TMED5: variants seen among roughly 807,000 people sequenced by gnomAD.
The protein encoded by TMED5 is transmembrane p24 trafficking protein 5.
Under a neutral mutation model 23.0 loss-of-function variants are expected in TMED5, and 27 were observed. That is an observed-to-expected ratio of 1.17 (90% CI 0.86 to 1.62). The LOEUF (loss-of-function observed/expected upper bound fraction) is 1.62. Among genes scored for constraint, TMED5 ranks in the 40% most tolerant of loss-of-function variants. The pLI, the probability that TMED5 is intolerant of heterozygous loss-of-function variation, is 0.00. For missense variants in TMED5, 248 were observed against 273.7 expected (o/e 0.91, Z 0.66); for synonymous variants, 97 against 100.8 (o/e 0.96, Z 0.23).
chr1:93,154,962 G>T, intron 3 of TMED5, 74 bp from the exon 4 acceptor site: 1 of 1,094,744 alleles, frequency 9.1e-7, no homozygotes, highest in Non-Finnish European at 1.3e-6. Context: ...ATGAGGCTGG[G>T]TGCAGTGACT....
intron 3 of TMED5, 153 bp downstream of exon 3, chr1:93,156,147 G>T: frequency 8.9e-7 from 1 of 1,117,992 alleles, no homozygotes; most frequent in South Asian, 1.6e-5. Flanking sequence ...AAATTAAGCT[G>T]ATACTTGAGG....
At chr1:93,166,152 T>C (rs1259356614) in intron 1 of TMED5, among the ~76,000 whole-genome samples, 1 of 152,266 alleles carries the variant, frequency 6.6e-6, no homozygotes, top group Non-Finnish European at 1.5e-5. Flanking sequence ...ATTTTCTTTA[T>C]CCATTCATCT....
In TMED5 at chr1:93,152,629, A is replaced by T. The variant is rs1234300393; in HGVS notation, c.*2041T>A. 1 of 152,648 alleles carries T rather than the reference A, an allele frequency of 6.6e-6. No individual in the cohort carries two copies. Among genetic ancestry groups the T allele is most frequent in the African/African-American group, 2.4e-5 (1 of 41,446 alleles). 9.5% of individuals were successfully genotyped at this position (152,648 alleles called of 1,614,324 possible). A position where few individuals can be genotyped will look rare whatever the true frequency, so the allele number is the denominator to read the frequency against. Reference sequence around the variant, plus strand: ...AATCATACATGTAGAAGATTATGTAACAAATTCATTGTTAGGTAAGGAGTC... The same window carrying T: ...AATCATACATGTAGAAGATTATGTATCAAATTCATTGTTAGGTAAGGAGTC... On this transcript the variant is annotated 3_prime_UTR_variant, in exon 4 of 4. Coordinates refer to ENST00000370282, the MANE Select transcript of TMED5 (RefSeq NM_016040.5).
At chr1:93,154,945 T>G in intron 3 of TMED5, 57 bp from the exon 4 acceptor site, 1 of 1,308,036 alleles carries the variant, frequency 7.6e-7, no homozygotes, top group Non-Finnish European at 1.1e-6. Context: ...TTTAACTTAA[T>G]TAAAAAATGA....
intron 1 of TMED5, among the ~76,000 whole-genome samples, chr1:93,163,458 C>A (rs138950870): frequency 0.012 from 1,753 of 151,594 alleles, 36 homozygotes; most frequent in African/African-American, 0.039. Context: ...GATTCTCCCG[C>A]CTCAGTGTCC....
intron 1 of TMED5, among the ~76,000 whole-genome samples, chr1:93,176,755 G>A (rs1471283432): frequency 1.3e-5 from 2 of 152,096 alleles, no homozygotes; most frequent in Non-Finnish European, 2.9e-5. Context: ...GGTGTGAAAC[G>A]CCTGTGCTTG....
intron 2 of TMED5, among the ~76,000 whole-genome samples, chr1:93,157,841 T>C (rs1026671386): frequency 6.6e-6 from 1 of 152,190 alleles, no homozygotes; most frequent in African/African-American, 2.4e-5. Context: ...AACAGATTTG[T>C]AGGCCGGGCA....
At chr1:93,156,888 A>G (rs1048161176) in intron 2 of TMED5, among the ~76,000 whole-genome samples, 3 of 151,998 alleles carry the variant, frequency 2.0e-5, no homozygotes, top group African/African-American at 7.2e-5. Context: ...GCTTACCCAT[A>G]AATTTCCTTA....
intron 1 of TMED5, among the ~76,000 whole-genome samples, chr1:93,166,973 C>T (rs1054105959): frequency 6.6e-6 from 1 of 152,130 alleles, no homozygotes; most frequent in African/African-American, 2.4e-5. Flanking sequence ...TTTCATTCTC[C>T]TGCATATGGA....
chr1:93,163,403 G>A (rs1015117179), intron 1 of TMED5, among the ~76,000 whole-genome samples: 5 of 149,222 alleles, frequency 3.4e-5, no homozygotes, highest in African/African-American at 4.9e-5. Flanking sequence ...GGAGTGTAGT[G>A]GCGCGATCTC....
At chr1:93,155,975 C>A in intron 3 of TMED5, 1 of 845,330 alleles carries the variant, frequency 1.2e-6, no homozygotes, top group South Asian at 2.2e-5. Flanking sequence ...GCTGTATAAT[C>A]AGAAGCATAA....
At chr1:93,172,412 A>C (rs1015684179) in intron 1 of TMED5, among the ~76,000 whole-genome samples, 1 of 152,212 alleles carries the variant, frequency 6.6e-6, no homozygotes, top group Non-Finnish European at 1.5e-5. Flanking sequence ...TACACCAGCA[A>C]CAAGCAACTG....
intron 2 of TMED5, among the ~76,000 whole-genome samples, chr1:93,157,581 G>A (rs945655643): frequency 1.3e-5 from 2 of 151,938 alleles, no homozygotes; most frequent in Non-Finnish European, 1.5e-5. Flanking sequence ...AAAATTAGCC[G>A]AGTACACACC....
intron 3 of TMED5, among the ~76,000 whole-genome samples, chr1:93,155,764 T>C (rs1135308): frequency 6.6e-6 from 1 of 152,108 alleles, no homozygotes; most frequent in African/African-American, 2.4e-5. Context: ...AGGTACCTGC[T>C]ACCATGCCTG....
At chr1:93,179,781 C>A in intron 1 of TMED5, 1 of 428,436 alleles carries the variant, frequency 2.3e-6, no homozygotes. Flanking sequence ...AGAGAAAAGC[C>A]AGCGACATCA....
intron 2 of TMED5, among the ~76,000 whole-genome samples, chr1:93,159,695 G>T (rs753950004): frequency 6.6e-6 from 1 of 151,452 alleles, no homozygotes; most frequent in South Asian, 2.1e-4. Flanking sequence ...AAAAATTTAC[G>T]TACACACAAA....
At position 93,176,139 on chromosome 1, in the gene TMED5, A is replaced by G. The variant is rs544041142; in HGVS notation, c.189+3915T>C. 8.3e-4 allele frequency among the ~76,000 whole-genome samples: 126 copies of G among 152,220 alleles called. 1 individual carries two copies. Among genetic ancestry groups the G allele is most frequent in the Non-Finnish European group, 1.3e-3 (91 of 68,026 alleles). ...CTTAACAAGGACCTAAAAGCCCACA[A>G]TGATTTGGTTGCTGTTGCTACTGAC... On this transcript the variant is annotated intron_variant, in intron 1 of 3. Coordinates refer to ENST00000370282, the MANE Select transcript of TMED5 (RefSeq NM_016040.5).
At chr1:93,169,462 A>G (rs1435204174) in intron 1 of TMED5, among the ~76,000 whole-genome samples, 1 of 151,902 alleles carries the variant, frequency 6.6e-6, no homozygotes, top group Non-Finnish European at 1.5e-5. Context: ...AGAAAAGAAG[A>G]AAGATGTAAA....
chr1:93,153,193 G>T lies in TMED5; in HGVS notation c.*1477C>A, dbSNP rs915886508. ...TTAAAAATTATAGTTCATTCATGAT[G>T]AAGTTAAATTACTAGTACTTGAGTA... On this transcript the variant is annotated 3_prime_UTR_variant, in exon 4 of 4. Transcript: ENST00000370282. The T allele has an allele frequency of 6.6e-6, 1 of 152,474 alleles. No individual in the cohort carries two copies. Among genetic ancestry groups the T allele is most frequent in the African/African-American group, 2.4e-5 (1 of 41,406 alleles). The allele number at this position is 152,474 out of a possible 1,614,324, so 9.4% of individuals were successfully genotyped here.
Sources: allele counts gnomAD v4.1 joint callset (sites outside exome capture counted in the v4.1 genomes callset), GRCh38; gene constraint gnomAD v4.1.1; transcripts MANE v1.5; gene names NCBI Gene and HGNC (gene_info 2026-07-23, HGNC 2026-07-21).